Variants in GABRG3 observed in about 807,000 individuals in gnomAD.
GABRG3 encodes gamma-aminobutyric acid receptor subunit gamma-3.
In GABRG3, 25 loss-of-function variants were observed where a neutral mutation model predicts 48.8. The observed-to-expected ratio is 0.51, with a 90% CI of 0.37 to 0.72. The LOEUF (loss-of-function observed/expected upper bound fraction) is 0.72. Ranked by LOEUF, GABRG3 falls within the 30% of genes least tolerant of loss-of-function variation. The pLI is 0.00. For missense variants in GABRG3, 394 were observed against 577.9 expected, an observed-to-expected ratio of 0.68 and a Z score of 3.26; for synonymous variants, 227 against 217.6, an observed-to-expected ratio of 1.04 and a Z score of -0.38.
intron 5 of GABRG3, among the ~76,000 whole-genome samples, chr15:27,410,630 A>G (rs115001001): frequency 3.0e-4 from 45 of 152,232 alleles, no homozygotes; most frequent in African/African-American, 1.0e-3. Context: ...GGTACTGTCT[A>G]TTATCCTTTT....
chr15:27,211,863 G>T (rs1434665150), intron 3 of GABRG3, among the ~76,000 whole-genome samples: 1 of 152,150 alleles, frequency 6.6e-6, no homozygotes, highest in Non-Finnish European at 1.5e-5. Flanking sequence ...TCTCCTAGAG[G>T]ATGGAACCAC....
At chr15:27,147,925 C>T (rs984137030) in intron 3 of GABRG3, among the ~76,000 whole-genome samples, 4 of 150,520 alleles carry the variant, frequency 2.7e-5, no homozygotes, top group Admixed American at 6.6e-5. Context: ...AAGAAGAGGA[C>T]AATAATCCAA....
chr15:27,232,502 T>C (rs1889830332), intron 3 of GABRG3, among the ~76,000 whole-genome samples: 1 of 152,162 alleles, frequency 6.6e-6, no homozygotes, highest in Admixed American at 6.5e-5. Context: ...CTCACTGGAT[T>C]GAATGTAGCC....
At chr15:27,240,113 A>G (rs1890089419) in intron 3 of GABRG3, among the ~76,000 whole-genome samples, 1 of 152,200 alleles carries the variant, frequency 6.6e-6, no homozygotes, top group African/African-American at 2.4e-5. Context: ...AGCCTAGACA[A>G]ACCCACTGGG....
intron 3 of GABRG3, among the ~76,000 whole-genome samples, chr15:27,131,887 G>A (rs1231745942): frequency 6.6e-6 from 1 of 151,968 alleles, no homozygotes; most frequent in Non-Finnish European, 1.5e-5. Flanking sequence ...GATTAGAGAT[G>A]TTGAGCATTT....
At chr15:27,456,251 C>T (rs1176007190) in intron 5 of GABRG3, among the ~76,000 whole-genome samples, 2 of 152,188 alleles carry the variant, frequency 1.3e-5, no homozygotes, top group Non-Finnish European at 2.9e-5. Context: ...AAGTCTTACC[C>T]CTTCCCATGA....
At chr15:27,410,845 CGT>C (rs61423614) in intron 5 of GABRG3, among the ~76,000 whole-genome samples, 33,757 of 143,044 alleles carry the variant, frequency 0.24, 4,030 homozygotes, top group African/African-American at 0.27. Flanking sequence ...TGCGCACGCT[CGT>C]GTGTGTGTGT....
At chr15:26,999,222 T>G (rs930287334) in intron 2 of GABRG3, among the ~76,000 whole-genome samples, 3 of 152,106 alleles carry the variant, frequency 2.0e-5, no homozygotes, top group Non-Finnish European at 4.4e-5. Flanking sequence ...TTACATAGCA[T>G]TTACATTGTA....
At position 27,407,624 on chromosome 15, in the gene GABRG3, A is replaced by C. The variant is rs1443420942; in HGVS notation, c.575-73026A>C. ...ACACCCAGACAATGGAATATTATTC[A>C]GGGCTAGTAATAAATGAGCCAACAA... On this transcript the variant is annotated intron_variant, in intron 5 of 9. Coordinates refer to ENST00000615808, the MANE Select transcript of GABRG3 (RefSeq NM_033223.5). Among the ~76,000 whole-genome samples, 3 of 152,236 alleles carry C rather than the reference A, an allele frequency of 2.0e-5. No homozygotes were observed. In the East Asian group the frequency reaches 5.8e-4, roughly 29 times the overall value.
chr15:27,219,094 G>C lies in GABRG3; in HGVS notation c.271-107715G>C, dbSNP rs1023993988. Among the ~76,000 whole-genome samples, 5 of 152,244 alleles carry C rather than the reference G, an allele frequency of 3.3e-5. No homozygotes were observed. In the East Asian group the frequency reaches 7.7e-4, roughly 24 times the overall value. On this transcript the variant is annotated intron_variant, in intron 3 of 9. Coordinates refer to ENST00000615808, the MANE Select transcript of GABRG3 (RefSeq NM_033223.5). ...CCTCTGGCTACAGCCCCAAGTCCTA[G>C]CTTCTTCCCCTGAGACCCCAGAGTC...
intron 2 of GABRG3, among the ~76,000 whole-genome samples, chr15:26,987,668 G>A (rs576144759): frequency 2.6e-5 from 4 of 152,222 alleles, no homozygotes; most frequent in African/African-American, 9.6e-5. Context: ...TAGTTATTCC[G>A]TTTTCTAGTT....
intron 3 of GABRG3, among the ~76,000 whole-genome samples, chr15:27,100,306 C>A (rs949425678): frequency 4.6e-5 from 7 of 151,442 alleles, no homozygotes; most frequent in Non-Finnish European, 7.4e-5. Flanking sequence ...CCTGAATATT[C>A]TTCTACCGAT....
chr15:27,039,126 C>T (rs898910787), intron 3 of GABRG3, among the ~76,000 whole-genome samples: 12 of 152,184 alleles, frequency 7.9e-5, no homozygotes, highest in African/African-American at 2.4e-4. Flanking sequence ...TCAGAGGAGA[C>T]GCCAAGTCTG....
chr15:27,011,537 T>G (rs1027158815), intron 2 of GABRG3, among the ~76,000 whole-genome samples: 1 of 152,200 alleles, frequency 6.6e-6, no homozygotes, highest in Non-Finnish European at 1.5e-5. Flanking sequence ...TTAGCCTAGG[T>G]CAGGATACTA....
At chr15:27,350,298 G>A (rs1894518321) in intron 5 of GABRG3, 1 of 398,174 alleles carries the variant, frequency 2.5e-6, no homozygotes, top group African/African-American at 2.1e-5. Flanking sequence ...GCTGGCTGGT[G>A]GTTGCTGTGA....
intron 3 of GABRG3, among the ~76,000 whole-genome samples, chr15:27,146,676 A>T (rs1372930393): frequency 1.3e-5 from 2 of 152,168 alleles, no homozygotes; most frequent in Non-Finnish European, 2.9e-5. Flanking sequence ...GAACTATATA[A>T]GTGCAAAATT....
intron 6 of GABRG3, among the ~76,000 whole-genome samples, chr15:27,484,254 A>G (rs763877731): frequency 5.7e-4 from 87 of 152,094 alleles, no homozygotes; most frequent in Non-Finnish European, 1.0e-3. Context: ...ACTTTTTGTT[A>G]TCTCTTCTAT....
At chr15:27,296,404 T>G (rs1891984461) in intron 3 of GABRG3, among the ~76,000 whole-genome samples, 1 of 152,138 alleles carries the variant, frequency 6.6e-6, no homozygotes, top group African/African-American at 2.4e-5. Flanking sequence ...TGAGTAGGAT[T>G]ATTGACACTG....
Position 27,327,006 on chromosome 15 carries a change from C to G in GABRG3, c.468C>G (p.Asp156Glu). Residue 156 changes from aspartate to glutamate, a missense_variant, in exon 4 of 10, where the codon GAC (aspartate) becomes GAG (glutamate). This residue lies in a region of GABRG3 where 218 missense variants were observed against 309.9 expected (regional missense o/e 0.70). Coordinates refer to ENST00000615808, the MANE Select transcript of GABRG3 (RefSeq NM_033223.5). Reference protein sequence around the residue: ...TPNQLLRIWNDGKILYTLRLT... With the variant: ...TPNQLLRIWNEGKILYTLRLT... The stretch of plus-strand genomic sequence containing the variant: ...ATCAGCTCCTCCGGATTTGGAATGA[C>G]GGGAAAATCCTTTACACTTTGAGGT... 1 of 1,613,778 alleles carries G rather than the reference C, an allele frequency of 6.2e-7. No homozygotes were observed. Among genetic ancestry groups the G allele is most frequent in the Non-Finnish European group, 8.5e-7 (1 of 1,179,746 alleles).
Sources: gnomAD v4.1 joint callset for allele counts (sites outside exome capture counted in the v4.1 genomes callset) on GRCh38, gnomAD v4.1.1 for gene constraint, gnomAD v4.1.1 regional missense constraint, MANE v1.5 for transcripts, NCBI Gene and HGNC (gene_info 2026-07-23, HGNC 2026-07-21) for gene names.